The following EIF4EBP1 variants were observed in gnomAD, a reference collection of about 807,000 sequenced individuals.
EIF4EBP1 encodes the protein eukaryotic translation initiation factor 4E-binding protein 1.
A neutral mutation model predicts 9.2 loss-of-function variants in EIF4EBP1; 5 were observed. The observed-to-expected ratio is 0.54, with a 90% CI of 0.28 to 1.14. EIF4EBP1 has a LOEUF of 1.14. Ranked by LOEUF, EIF4EBP1 falls within the 50% of genes most tolerant of loss-of-function variation. The pLI, the probability that EIF4EBP1 is intolerant of heterozygous loss-of-function variation, is 0.09. For missense variants in EIF4EBP1, 139 were observed against 169.6 expected, an observed-to-expected ratio of 0.82 and a Z score of 1.00; for synonymous variants, 62 against 67.0, an observed-to-expected ratio of 0.93 and a Z score of 0.36.
At chr8:38,056,795 C>T (rs962895288) in intron 1 of EIF4EBP1, among the ~76,000 whole-genome samples, 4 of 151,840 alleles carry the variant, frequency 2.6e-5, no homozygotes, top group African/African-American at 9.7e-5. Flanking sequence ...TCCTGAGTAG[C>T]TGGGATTACA....
At chr8:38,055,002 G>A (rs1809577560) in intron 1 of EIF4EBP1, among the ~76,000 whole-genome samples, 1 of 152,154 alleles carries the variant, frequency 6.6e-6, no homozygotes, top group African/African-American at 2.4e-5. Context: ...GCTGTGCGCT[G>A]GAGTCCCATA....
chr8:38,037,773 T>C (rs1305641653), intron 1 of EIF4EBP1, among the ~76,000 whole-genome samples: 2 of 151,942 alleles, frequency 1.3e-5, no homozygotes, highest in Non-Finnish European at 2.9e-5. Flanking sequence ...ATGTTGTCTG[T>C]TTTTTGTTTG....
At chr8:38,042,391 C>T (rs1356401100) in intron 1 of EIF4EBP1, among the ~76,000 whole-genome samples, 4 of 152,196 alleles carry the variant, frequency 2.6e-5, no homozygotes, top group Non-Finnish European at 2.9e-5. Flanking sequence ...ACAGATTTCT[C>T]TCTTCTGCCC....
At position 38,057,156 on chromosome 8, in the gene EIF4EBP1, A is replaced by AT. The variant is rs1809608852; in HGVS notation, c.222dup (p.Leu75SerfsTer13). The AT allele has an allele frequency of 6.2e-7, 1 of 1,614,114 alleles. No homozygotes were observed. The highest frequency in any genetic ancestry group is 8.5e-7 in the Non-Finnish European group (1 of 1,180,048). ...CCTGTGACCAAAACACCCCCAAGGG[A>AT]TCTGCCCACCATTCCGGGGGTCACC... On this transcript the variant is annotated frameshift_variant, in exon 2 of 3. Coordinates refer to ENST00000338825, the MANE Select transcript of EIF4EBP1 (RefSeq NM_004095.4). LOFTEE classifies it high-confidence loss of function.
chr8:38,044,875 G>C (rs763965766), intron 1 of EIF4EBP1, among the ~76,000 whole-genome samples: 16 of 152,162 alleles, frequency 1.1e-4, no homozygotes, highest in Admixed American at 2.0e-4. Context: ...AGTTGTAAGG[G>C]GGAATAAGAC....
chr8:38,040,944 C>T (rs1046901434), intron 1 of EIF4EBP1, among the ~76,000 whole-genome samples: 3 of 152,008 alleles, frequency 2.0e-5, no homozygotes, highest in African/African-American at 7.2e-5. Context: ...GGATTACAAG[C>T]ATGCACCACC....
At position 38,032,917 on chromosome 8, in the gene EIF4EBP1, G is replaced by T. The variant is rs954453026; in HGVS notation, c.145+2199G>T. On this transcript the variant is annotated intron_variant, in intron 1 of 2. Coordinates refer to ENST00000338825, the MANE Select transcript of EIF4EBP1 (RefSeq NM_004095.4). ...AAATGGTCACATTGCAGCCAAAATG[G>T]TCACACCCTTTTGCTCCAGAGCAGA... Among the ~76,000 whole-genome samples the T allele has an allele frequency of 1.3e-4, 20 of 151,938 alleles. 1 individual carries two copies. The highest frequency in any genetic ancestry group is 4.8e-4 in the African/African-American group (20 of 41,370).
intron 1 of EIF4EBP1, among the ~76,000 whole-genome samples, chr8:38,037,994 G>C (rs1308994669): frequency 6.7e-6 from 1 of 150,328 alleles, no homozygotes; most frequent in Non-Finnish European, 1.5e-5. Context: ...GGCTGGTCTG[G>C]AACTCCTGGG....
At chr8:38,057,355 A>G (rs1809613442) in intron 2 of EIF4EBP1, 95 bp downstream of exon 2, 2 of 1,400,950 alleles carry the variant, frequency 1.4e-6, no homozygotes, top group Admixed American at 2.4e-5. Context: ...GGGAGGAGGA[A>G]CAACAGGGAC....
At chr8:38,041,237 G>A (rs1809374709) in intron 1 of EIF4EBP1, among the ~76,000 whole-genome samples, 1 of 152,140 alleles carries the variant, frequency 6.6e-6, no homozygotes, top group South Asian at 2.1e-4. Flanking sequence ...AAGTAGCTGG[G>A]ATTACAGGCA....
chr8:38,057,644 T>TA (rs1809616968), intron 2 of EIF4EBP1, among the ~76,000 whole-genome samples: 1 of 152,226 alleles, frequency 6.6e-6, no homozygotes. Context: ...AGAGACAAGT[T>TA]ATCAAAGACA....
rs763909553 is a variant in EIF4EBP1 at position 38,041,122 on chromosome 8, G to C, written c.145+10404G>C. On this transcript the variant is annotated intron_variant, in intron 1 of 2. Coordinates refer to ENST00000338825, the MANE Select transcript of EIF4EBP1 (RefSeq NM_004095.4). ...GCCTTTTTTGTTTGCTTGTTTGTTT[G>C]ACAGAATCTGGCTCTGTCGCCCAGG... 8.6e-4 allele frequency among the ~76,000 whole-genome samples: 131 copies of C among 152,144 alleles called. 1 individual carries two copies. The highest frequency in any genetic ancestry group is 1.5e-3 in the South Asian group (7 of 4,822).
intron 1 of EIF4EBP1, among the ~76,000 whole-genome samples, chr8:38,052,453 G>T (rs890658617): frequency 2.1e-5 from 3 of 145,198 alleles, no homozygotes; most frequent in South Asian, 2.1e-4. Flanking sequence ...AGTAGGCCAG[G>T]TGCAGTGGCT....
At chr8:38,054,224 TG>T (rs1585531113) in intron 1 of EIF4EBP1, among the ~76,000 whole-genome samples, 1 of 152,082 alleles carries the variant, frequency 6.6e-6, no homozygotes, top group East Asian at 1.9e-4. Flanking sequence ...CTGAGGCCAG[TG>T]GATCACTTGA....
At chr8:38,038,728 A>C (rs1307909882) in intron 1 of EIF4EBP1, among the ~76,000 whole-genome samples, 2 of 151,600 alleles carry the variant, frequency 1.3e-5, no homozygotes, top group Non-Finnish European at 2.9e-5. Context: ...TACGAGGTAC[A>C]TGCTCTCGAG....
chr8:38,041,323 G>A (rs908470325), intron 1 of EIF4EBP1, among the ~76,000 whole-genome samples: 2 of 152,070 alleles, frequency 1.3e-5, no homozygotes, highest in Admixed American at 6.6e-5. Flanking sequence ...GGCTGGTCTC[G>A]AACTTCTAAC....
intron 1 of EIF4EBP1, among the ~76,000 whole-genome samples, chr8:38,053,386 C>T (rs963887112): frequency 1.6e-4 from 25 of 151,998 alleles, no homozygotes; most frequent in Non-Finnish European, 3.1e-4. Flanking sequence ...GGCAGCGGCG[C>T]GATCTCAGCT....
intron 1 of EIF4EBP1, chr8:38,047,307 AGTAGAG>A (rs1809460365): frequency 6.6e-6 from 1 of 152,124 alleles, no homozygotes; most frequent in South Asian, 2.1e-4. Flanking sequence ...GCTAGTACAA[AGTAGAG>A]GTTCAGTGAG....
At position 38,057,866 on chromosome 8, in the gene EIF4EBP1, T is replaced by G. The variant is rs939026960; in HGVS notation, c.325+606T>G. Among the ~76,000 whole-genome samples, 28 of 152,124 alleles carry G rather than the reference T, an allele frequency of 1.8e-4. 1 individual carries two copies. The highest frequency in any genetic ancestry group is 5.9e-5 in the Non-Finnish European group (4 of 68,010). ...ATTAGAGCAGCCACTGTGGTAGTGG[T>G]GTAAGTGAATGCACTCTTTGTGGCA... On this transcript the variant is annotated intron_variant, in intron 2 of 2. Transcript: ENST00000338825.
Sources: allele counts gnomAD v4.1 joint callset (sites outside exome capture counted in the v4.1 genomes callset), GRCh38; gene constraint gnomAD v4.1.1; transcripts MANE v1.5; gene names NCBI Gene and HGNC (gene_info 2026-07-23, HGNC 2026-07-21).